CSGALNACT1: variants seen among roughly 807,000 people sequenced by gnomAD.
CSGALNACT1 encodes beta4GalNAcT-1.
Under a neutral mutation model 51.0 loss-of-function variants are expected in CSGALNACT1, and 52 were observed. That is an observed-to-expected ratio of 1.02 (90% CI 0.82 to 1.29). The LOEUF is 1.29. Ranked by LOEUF, CSGALNACT1 falls within the 50% of genes most tolerant of loss-of-function variation. The pLI is 0.00. For missense variants in CSGALNACT1, 935 were observed against 679.2 expected (o/e 1.38, Z -4.19); for synonymous variants, 341 against 254.4 (o/e 1.34, Z -3.24).
In CSGALNACT1 at chr8:19,433,514, C is replaced by T. The variant is rs150325914; in HGVS notation, c.953+6316G>A. 2.3e-3 allele frequency among the ~76,000 whole-genome samples: 346 copies of T among 152,330 alleles called. 7 individuals are homozygous for T. The South Asian group carries it at 0.039, about 17-fold the overall frequency. ...TTGCCCCAACTCTTAACCACTGCCT[C>T]GGGCAGCCACAAAGTTAAACACTTC... On this transcript the variant is annotated intron_variant, in intron 6 of 9. Coordinates refer to ENST00000454498, the Ensembl canonical transcript of CSGALNACT1.
At chr8:19,684,709 A>G (rs1291096750), upstream of CSGALNACT1, among the ~76,000 whole-genome samples, 1 of 152,148 alleles carries the variant, frequency 6.6e-6, no homozygotes, top group African/African-American at 2.4e-5. Flanking sequence ...GGAGTTCTGG[A>G]AAGGGAAGAA....
At chr8:19,506,606 G>T (rs1237467964) in intron 3 of CSGALNACT1, among the ~76,000 whole-genome samples, 1 of 152,176 alleles carries the variant, frequency 6.6e-6, no homozygotes, top group Non-Finnish European at 1.5e-5. Context: ...GGGCCTGGTG[G>T]GAAGTGTTTA....
chr8:19,579,994 T>C (rs149510772), intron 3 of CSGALNACT1, among the ~76,000 whole-genome samples: 32 of 152,308 alleles, frequency 2.1e-4, no homozygotes, highest in African/African-American at 7.2e-4. Context: ...ACTTTGGTCT[T>C]CAATAAAGGC....
At chr8:19,459,097 C>T (rs975921640) in intron 4 of CSGALNACT1, among the ~76,000 whole-genome samples, 24 of 151,788 alleles carry the variant, frequency 1.6e-4, no homozygotes, top group African/African-American at 5.3e-4. Context: ...GAAATTAAAC[C>T]ACTTCAGCCT....
chr8:19,570,510 G>A (rs2042792051), intron 3 of CSGALNACT1, among the ~76,000 whole-genome samples: 1 of 152,122 alleles, frequency 6.6e-6, no homozygotes, highest in East Asian at 1.9e-4. Context: ...GAGGTAATGA[G>A]GACAGGGACA....
intron 4 of CSGALNACT1, among the ~76,000 whole-genome samples, chr8:19,481,338 C>T (rs189878966): frequency 6.0e-4 from 92 of 152,222 alleles, no homozygotes; most frequent in African/African-American, 2.0e-3. Flanking sequence ...CATGTGTCTA[C>T]GACGTCTCAT....
At chr8:19,576,418 C>G (rs1048335261) in intron 3 of CSGALNACT1, among the ~76,000 whole-genome samples, 1 of 152,168 alleles carries the variant, frequency 6.6e-6, no homozygotes, top group Non-Finnish European at 1.5e-5. Flanking sequence ...GTCTCAAAGT[C>G]CTGACCTCAG....
chr8:19,601,210 C>T (rs1451551170), intron 2 of CSGALNACT1, among the ~76,000 whole-genome samples: 1 of 152,124 alleles, frequency 6.6e-6, no homozygotes, highest in Non-Finnish European at 1.5e-5. Flanking sequence ...GGACTAAAAC[C>T]AAGCTTCCAA....
intron 3 of CSGALNACT1, among the ~76,000 whole-genome samples, chr8:19,571,213 G>A (rs1475341974): frequency 2.6e-5 from 4 of 152,010 alleles, no homozygotes; most frequent in Admixed American, 2.6e-4. Context: ...CAAGCAATCT[G>A]CCTGCCACAA....
intron 3 of CSGALNACT1, among the ~76,000 whole-genome samples, chr8:19,552,506 A>G (rs1272541932): frequency 2.0e-5 from 3 of 152,056 alleles, no homozygotes; most frequent in Non-Finnish European, 2.9e-5. Context: ...TTTTTTGTCT[A>G]ATAGAAACAT....
intron 6 of CSGALNACT1, among the ~76,000 whole-genome samples, chr8:19,435,905 G>A (rs1188299224): frequency 6.6e-6 from 1 of 151,970 alleles, no homozygotes; most frequent in Non-Finnish European, 1.5e-5. Context: ...CACACACATT[G>A]AAATTAAACT....
intron 1 of CSGALNACT1, among the ~76,000 whole-genome samples, chr8:19,617,811 T>A (rs1054577954): frequency 6.6e-6 from 1 of 152,244 alleles, no homozygotes; most frequent in Non-Finnish European, 1.5e-5. Flanking sequence ...TGTCATTTAA[T>A]TAATACCTTG....
chr8:19,583,832 AT>A (rs1438925818), intron 3 of CSGALNACT1, among the ~76,000 whole-genome samples: 1 of 152,220 alleles, frequency 6.6e-6, no homozygotes, highest in African/African-American at 2.4e-5. Context: ...TAACTGAGCA[AT>A]TAGAATAATA....
intron 1 of CSGALNACT1, among the ~76,000 whole-genome samples, chr8:19,697,145 A>G (rs1241329954): frequency 6.6e-6 from 1 of 152,128 alleles, no homozygotes. Context: ...GATGGCCAGA[A>G]AGAGGCAAGG....
At chr8:19,497,735 T>G (rs1208212732) in intron 4 of CSGALNACT1, among the ~76,000 whole-genome samples, 1 of 152,108 alleles carries the variant, frequency 6.6e-6, no homozygotes, top group African/African-American at 2.4e-5. Flanking sequence ...ATTACTAAGC[T>G]AAAGAGAAAA....
chr8:19,648,389 C>T (rs1415090937), intron 1 of CSGALNACT1, among the ~76,000 whole-genome samples: 1 of 152,202 alleles, frequency 6.6e-6, no homozygotes, highest in Non-Finnish European at 1.5e-5. Context: ...AGCAATTCAT[C>T]AATATATAAA....
chr8:19,447,900 C>G (rs537795267), intron 5 of CSGALNACT1, among the ~76,000 whole-genome samples: 1 of 152,166 alleles, frequency 6.6e-6, no homozygotes, highest in Non-Finnish European at 1.5e-5. Flanking sequence ...TATGAGGATA[C>G]TGGGAGCTCA....
chr8:19,573,745 T>C (rs2043537249), intron 3 of CSGALNACT1, among the ~76,000 whole-genome samples: 1 of 151,974 alleles, frequency 6.6e-6, no homozygotes, highest in African/African-American at 2.4e-5. Context: ...AACCTAAGAG[T>C]TCCATCTCTC....
At chr8:19,724,992 C>T (rs928622621) in intron 1 of CSGALNACT1, among the ~76,000 whole-genome samples, 1 of 152,244 alleles carries the variant, frequency 6.6e-6, no homozygotes, top group African/African-American at 2.4e-5. Context: ...CTGATCTCTC[C>T]TCCCTGGCTT....
Sources: gnomAD v4.1 joint callset for allele counts (sites outside exome capture counted in the v4.1 genomes callset) on GRCh38, gnomAD v4.1.1 for gene constraint, MANE v1.5 for transcripts, NCBI Gene and HGNC (gene_info 2026-07-23, HGNC 2026-07-21) for gene names.